RPRD1A: variants seen among roughly 807,000 people sequenced by gnomAD.
RPRD1A encodes regulation of nuclear pre-mRNA domain containing 1A.
A neutral mutation model predicts 37.8 loss-of-function variants in RPRD1A; 9 were observed. That is an observed-to-expected ratio of 0.24 (90% CI 0.14 to 0.42). The LOEUF (loss-of-function observed/expected upper bound fraction) is 0.42, where lower values mean the gene tolerates loss of function less well. Among genes scored for constraint, RPRD1A ranks in the 10% least tolerant of loss-of-function variants. The pLI is 1.00. For synonymous variants in RPRD1A, 138 were observed against 139.7 expected, an observed-to-expected ratio of 0.99 and a Z score of 0.08; for missense variants, 255 against 371.0, an observed-to-expected ratio of 0.69 and a Z score of 2.57.
At chr18:36,029,624 T>TA (rs79491198) in intron 4 of RPRD1A, among the ~76,000 whole-genome samples, 2,200 of 113,018 alleles carry the variant, frequency 0.019, 117 homozygotes, top group East Asian at 0.18. Flanking sequence ...AATGCCCACT[T>TA]AAAAAAAAAA....
In RPRD1A at chr18:35,990,466, G is replaced by A. The variant is rs779394151; in HGVS notation, c.*2685C>T. 45 of 152,180 alleles carry A rather than the reference G, an allele frequency of 3.0e-4. No homozygotes were observed. The highest frequency in any genetic ancestry group is 1.0e-3 in the African/African-American group (43 of 41,452). The allele number at this position is 152,180 out of a possible 1,614,324, so 9.4% of individuals were successfully genotyped here. Reference sequence around the variant, plus strand: ...ATAGCTGCATCTGGACAGGGAGGTTGGCTATTGAGCACAGCTGATTCTCAG... The same window carrying A: ...ATAGCTGCATCTGGACAGGGAGGTTAGCTATTGAGCACAGCTGATTCTCAG... On this transcript the variant is annotated 3_prime_UTR_variant, in exon 7 of 7. Coordinates refer to ENST00000399022, the MANE Select transcript of RPRD1A (RefSeq NM_018170.5).
intron 6 of RPRD1A, among the ~76,000 whole-genome samples, chr18:36,018,304 C>T (rs933355596): frequency 7.4e-5 from 11 of 148,024 alleles, no homozygotes; most frequent in Admixed American, 2.0e-4. Flanking sequence ...GAAGGAGTCT[C>T]GCTCTGTCGC....
intron 1 of RPRD1A, among the ~76,000 whole-genome samples, chr18:36,062,013 G>A (rs1598675743): frequency 6.6e-6 from 1 of 152,182 alleles, no homozygotes; most frequent in Non-Finnish European, 1.5e-5. Context: ...TACACTGCTT[G>A]TAGGAATGTA....
chr18:36,030,913 G>C lies in RPRD1A; in HGVS notation c.389-8C>G, dbSNP rs770991193. On this transcript the variant is annotated splice_region_variant and splice_polypyrimidine_tract_variant and intron_variant, in intron 3 of 6. Transcript: ENST00000399022. ...TAGGCTTCTTATCACCATCTGAAAT[G>C]AAAGAACATTTAAGTATTAATGAAA... 12 of 1,605,808 alleles carry C rather than the reference G, an allele frequency of 7.5e-6. No individual in the cohort carries two copies. The highest frequency in any genetic ancestry group is 1.0e-5 in the Non-Finnish European group (12 of 1,175,014).
chr18:36,005,068 G>A (rs1414340775), intron 6 of RPRD1A, among the ~76,000 whole-genome samples: 13 of 152,204 alleles, frequency 8.5e-5, no homozygotes, highest in African/African-American at 2.4e-4. Flanking sequence ...TTGGGAGGCC[G>A]AGGCGGGTGG....
rs2089055227 is a variant in RPRD1A, at chr18:36,067,451, G to A, written c.-47C>T. The stretch of plus-strand genomic sequence containing the variant: ...CCGTCCCACGCGGTGGGGCCGAGGG[G>A]AGGAGAGTTTCGCCGCCCTAGCTGC... On this transcript the variant is annotated 5_prime_UTR_variant, in exon 1 of 7. Coordinates refer to ENST00000399022, the MANE Select transcript of RPRD1A (RefSeq NM_018170.5). The A allele has an allele frequency of 1.3e-6, 2 of 1,568,690 alleles. No individual in the cohort carries two copies. Among genetic ancestry groups the A allele is most frequent in the African/African-American group, 1.4e-5 (1 of 73,742 alleles).
Position 36,054,317 on chromosome 18 carries a change from C to T in RPRD1A, c.151+12937G>A, listed in dbSNP as rs1913610877. Reference sequence around the variant, plus strand: ...ACCAACCTGGCCAACGTGATGAAACCCCATCTCTACTAAAAATAGAAAAAA... The same window carrying T: ...ACCAACCTGGCCAACGTGATGAAACTCCATCTCTACTAAAAATAGAAAAAA... On this transcript the variant is annotated intron_variant, in intron 1 of 6. Coordinates refer to ENST00000399022, the MANE Select transcript of RPRD1A (RefSeq NM_018170.5). 2.0e-5 allele frequency among the ~76,000 whole-genome samples: 3 copies of T among 151,926 alleles called. No homozygotes were observed. The South Asian group carries it at 6.2e-4, about 32-fold the overall frequency.
intron 1 of RPRD1A, among the ~76,000 whole-genome samples, chr18:36,040,317 T>A (rs1307581096): frequency 6.6e-6 from 1 of 152,222 alleles, no homozygotes; most frequent in African/African-American, 2.4e-5. Context: ...GACTCAACGG[T>A]CAAGTTGATA....
At chr18:36,015,241 C>T (rs1910467547) in intron 6 of RPRD1A, among the ~76,000 whole-genome samples, 1 of 148,608 alleles carries the variant, frequency 6.7e-6, no homozygotes, top group African/African-American at 2.5e-5. Context: ...GAGACAGAGT[C>T]CCACTCTGTC....
chr18:36,031,240 T>A (rs1911767405), intron 2 of RPRD1A, 143 bp from the exon 3 acceptor site: 1 of 1,038,344 alleles, frequency 9.6e-7, no homozygotes, highest in Non-Finnish European at 1.3e-6. Context: ...AGCATCACTA[T>A]GTGGCCAGCA....
At chr18:36,023,476 TCCTGAGATGGAATCTACTC>T (rs1480831402) in intron 6 of RPRD1A, among the ~76,000 whole-genome samples, 2 of 152,230 alleles carry the variant, frequency 1.3e-5, no homozygotes, top group Non-Finnish European at 2.9e-5. Context: ...TAAAGTGGTT[TCCTGAGATGGAATCTACTC>T]CCAGTGGAGA....
chr18:36,013,548 G>A (rs1910306700), intron 6 of RPRD1A, among the ~76,000 whole-genome samples: 1 of 151,958 alleles, frequency 6.6e-6, no homozygotes, highest in African/African-American at 2.4e-5. Context: ...TTAGGATAAA[G>A]GAAAAAAATA....
intron 6 of RPRD1A, among the ~76,000 whole-genome samples, chr18:36,007,496 G>C (rs762198107): frequency 5.9e-5 from 9 of 152,144 alleles, no homozygotes; most frequent in Non-Finnish European, 1.0e-4. Context: ...GGAATGCAGG[G>C]ATTCAGAGAA....
intron 6 of RPRD1A, among the ~76,000 whole-genome samples, chr18:36,017,815 A>C (rs1910699040): frequency 6.6e-6 from 1 of 152,206 alleles, no homozygotes; most frequent in African/African-American, 2.4e-5. Context: ...TAAAAGAATG[A>C]ACACTGGCTT....
At chr18:36,026,238 A>G (rs895234557) in intron 6 of RPRD1A, 2 of 152,462 alleles carry the variant, frequency 1.3e-5, no homozygotes, top group African/African-American at 4.8e-5. Flanking sequence ...TGCCACAGCA[A>G]TACAATTTAA....
rs1250945145 is a variant in RPRD1A, at chr18:36,067,531, A to C, written c.-127T>G. 8.2e-6 allele frequency: 8 copies of C among 971,124 alleles called. No individual in the cohort carries two copies. Among genetic ancestry groups the C allele is most frequent in the Non-Finnish European group, 1.2e-5 (8 of 685,560 alleles). The allele number at this position is 971,124 out of a possible 1,614,324, so 60.2% of individuals were successfully genotyped here. A position where few individuals can be genotyped will look rare whatever the true frequency, so the allele number is the denominator to read the frequency against. On this transcript the variant is annotated 5_prime_UTR_variant, in exon 1 of 7. The change abolishes an upstream ATG in the 5' untranslated region. Coordinates refer to ENST00000399022, the MANE Select transcript of RPRD1A (RefSeq NM_018170.5). The stretch of plus-strand genomic sequence containing the variant: ...ACGCTCTCACCACGGCCGCCGCTTC[A>C]TCCAAGACCGGCCGCAAACCAGCAA...
intron 1 of RPRD1A, among the ~76,000 whole-genome samples, chr18:36,044,436 C>T (rs1375278579): frequency 6.6e-6 from 1 of 152,092 alleles, no homozygotes; most frequent in Non-Finnish European, 1.5e-5. Flanking sequence ...ACCTGTAATC[C>T]CAGCATTTTG....
intron 6 of RPRD1A, among the ~76,000 whole-genome samples, chr18:35,993,707 C>G (rs574587725): frequency 6.6e-6 from 1 of 152,290 alleles, no homozygotes; most frequent in East Asian, 1.9e-4. Context: ...GGACTGCTCC[C>G]TTCCTGTGCC....
intron 1 of RPRD1A, among the ~76,000 whole-genome samples, chr18:36,055,639 A>C (rs759501192): frequency 6.6e-6 from 1 of 151,946 alleles, no homozygotes; most frequent in East Asian, 1.9e-4. Context: ...GTAACAAATT[A>C]AAGTGATAAT....
Sources: allele counts gnomAD v4.1 joint callset (sites outside exome capture counted in the v4.1 genomes callset), GRCh38; gene constraint gnomAD v4.1.1; transcripts MANE v1.5; gene names NCBI Gene and HGNC (gene_info 2026-07-23, HGNC 2026-07-21).